KLRG1: variants seen among roughly 807,000 people sequenced by gnomAD.
KLRG1 encodes killer cell lectin-like receptor subfamily G member 1.
Under a neutral mutation model 21.8 loss-of-function variants are expected in KLRG1, and 16 were observed. That is an observed-to-expected ratio of 0.73 (90% CI 0.50 to 1.11). The LOEUF is 1.11. Among genes scored for constraint, KLRG1 ranks in the 50% most tolerant of loss-of-function variants. The pLI is 0.00. For missense variants in KLRG1, 173 were observed against 218.3 expected (o/e 0.79, Z 1.31); for synonymous variants, 69 against 75.9 (o/e 0.91, Z 0.47).
At chr12:9,004,210 A>C (rs1050784557) in intron 3 of KLRG1, among the ~76,000 whole-genome samples, 4 of 152,184 alleles carry the variant, frequency 2.6e-5, no homozygotes, top group Non-Finnish European at 5.9e-5. Flanking sequence ...GTCCTTTGGG[A>C]ATATACCCAG....
chr12:9,181,378 A>G, the KLRG1 span, among the ~76,000 whole-genome samples: 1 of 152,240 alleles, frequency 6.6e-6, no homozygotes, highest in Non-Finnish European at 1.5e-5. Context: ...TAAAAGGTAC[A>G]TGACTTCCCT....
the KLRG1 span, chr12:9,200,401 T>C: frequency 3.7e-6 from 6 of 1,611,268 alleles, no homozygotes; most frequent in African/African-American, 5.3e-5. Flanking sequence ...TCATCCATGA[T>C]ACTGATTATC....
rs1479753836 is a variant in KLRG1 at position 8,969,465 on chromosome 12, C to T, written c.-156+19229C>T. 2.6e-5 allele frequency among the ~76,000 whole-genome samples: 4 copies of T among 151,974 alleles called. No individual in the cohort carries two copies. In the East Asian group the frequency reaches 7.7e-4, roughly 29 times the overall value. On this transcript the variant is annotated intron_variant, in intron 1 of 4. Transcript: ENST00000539240. ...CCAGCTCTGAGGTTGCAGGCTTCTC[C>T]TTGGCAGTGGGCTGGCTACCGTAGC...
chr12:8,972,189 G>A (rs926939490), intron 1 of KLRG1, among the ~76,000 whole-genome samples: 3 of 151,790 alleles, frequency 2.0e-5, no homozygotes, highest in Admixed American at 6.6e-5. Flanking sequence ...ACGGAGTCTC[G>A]CTCTGTCGCC....
the KLRG1 span, among the ~76,000 whole-genome samples, chr12:9,209,833 G>T: frequency 1.3e-5 from 2 of 151,986 alleles, no homozygotes; most frequent in Non-Finnish European, 2.9e-5. Flanking sequence ...TGCACATATT[G>T]TAAAATATGT....
At chr12:8,985,633 T>G (rs774877799), upstream of KLRG1, among the ~76,000 whole-genome samples, 1 of 152,320 alleles carries the variant, frequency 6.6e-6, no homozygotes, top group South Asian at 2.1e-4. Context: ...CTCACAGAAC[T>G]CAGGGAAACC....
chr12:9,211,576 G>A, the KLRG1 span, among the ~76,000 whole-genome samples: 3 of 152,072 alleles, frequency 2.0e-5, no homozygotes, highest in South Asian at 2.1e-4. Context: ...AATTTTGGGG[G>A]GAAATTTGTA....
chr12:9,146,760 C>T, the KLRG1 span, among the ~76,000 whole-genome samples: 6 of 152,110 alleles, frequency 3.9e-5, no homozygotes, highest in Non-Finnish European at 8.8e-5. Context: ...TTGTGATGAG[C>T]TAGGGGAGTT....
chr12:9,187,568 C>T, the KLRG1 span, among the ~76,000 whole-genome samples: 18 of 152,158 alleles, frequency 1.2e-4, no homozygotes, highest in Non-Finnish European at 2.4e-4. Context: ...AAACAACCTG[C>T]TCCTGCATGA....
chr12:9,106,173 A>G, the KLRG1 span: 1 of 965,418 alleles, frequency 1.0e-6, no homozygotes, highest in South Asian at 1.5e-5. Context: ...AGCACAAACC[A>G]TAACTATTGT....
intron 1 of KLRG1, among the ~76,000 whole-genome samples, chr12:8,963,151 G>A (rs1487376943): frequency 6.6e-6 from 1 of 152,156 alleles, no homozygotes; most frequent in East Asian, 1.9e-4. Flanking sequence ...GGAAAACCCT[G>A]TCAACCTAGA....
In KLRG1 at chr12:8,995,234, A is replaced by G; in HGVS notation, c.303A>G (p.Glu101=). The G allele has an allele frequency of 6.2e-7, 1 of 1,613,950 alleles. No homozygotes were observed. Among genetic ancestry groups the G allele is most frequent in the Non-Finnish European group, 8.5e-7 (1 of 1,179,880 alleles). The change falls in exon 3 of 5, where the codon GAA becomes GAG. Residue 101 remains glutamate (E), a synonymous_variant. Transcript: ENST00000356986. ...VEEKDWNSSL[E]FCLARDSHLL... ...AAAAGGACTGGAATTCTAGTCTGGA[A>G]TTCTGCCTAGCCAGAGACTCACACC...
the KLRG1 span, chr12:9,149,456 A>G: frequency 8.7e-7 from 1 of 1,152,234 alleles, no homozygotes; most frequent in Non-Finnish European, 1.2e-6. Flanking sequence ...TGCCATGTGG[A>G]TTGTCTCAGA....
the KLRG1 span, chr12:9,167,384 G>C: frequency 6.6e-6 from 1 of 152,132 alleles, no homozygotes; most frequent in Non-Finnish European, 1.5e-5. Flanking sequence ...TCAAAGCTTT[G>C]TGTATCAGAC....
chr12:9,022,588 G>A, the KLRG1 span, among the ~76,000 whole-genome samples: 217 of 152,154 alleles, frequency 1.4e-3, no homozygotes, highest in African/African-American at 4.9e-3. Flanking sequence ...TTAGGATCGG[G>A]GGTGGTCACC....
the KLRG1 span, among the ~76,000 whole-genome samples, chr12:9,018,693 AG>A: frequency 1.4e-5 from 2 of 143,662 alleles, no homozygotes; most frequent in Non-Finnish European, 3.2e-5. Flanking sequence ...AAAAAAAAAA[AG>A]AAAGAAAGAA....
chr12:9,148,845 T>C, the KLRG1 span: 1 of 754,816 alleles, frequency 1.3e-6, no homozygotes, highest in South Asian at 1.8e-5. Flanking sequence ...AGTGATAGTT[T>C]GACCAGAAGT....
At chr12:9,106,954 C>T in the KLRG1 span, among the ~76,000 whole-genome samples, 3 of 152,140 alleles carry the variant, frequency 2.0e-5, no homozygotes, top group East Asian at 1.9e-4. Flanking sequence ...GTAATGATCA[C>T]ATCGCGGGAT....
the KLRG1 span, chr12:9,164,032 A>G: frequency 1.4e-6 from 2 of 1,433,064 alleles, no homozygotes; most frequent in Non-Finnish European, 1.9e-6. Flanking sequence ...ACTTTATAGA[A>G]TTATATCTAT....
Sources: allele counts gnomAD v4.1 joint callset (sites outside exome capture counted in the v4.1 genomes callset), GRCh38; gene constraint gnomAD v4.1.1; transcripts MANE v1.5; gene names NCBI Gene and HGNC (gene_info 2026-07-23, HGNC 2026-07-21).